Variants in ATP5MC2 observed in about 807,000 individuals in gnomAD.
ATP5MC2 encodes ATP synthase F(0) complex subunit C2, mitochondrial.
Under a neutral mutation model 13.5 loss-of-function variants are expected in ATP5MC2, and 11 were observed. That is an observed-to-expected ratio of 0.81 (90% CI 0.51 to 1.35). The LOEUF (loss-of-function observed/expected upper bound fraction) is 1.35, where lower values mean the gene tolerates loss of function less well. Among genes scored for constraint, ATP5MC2 ranks in the 40% most tolerant of loss-of-function variants. The pLI is 0.00. For missense variants in ATP5MC2, 132 were observed against 175.0 expected (o/e 0.75, Z 1.39); for synonymous variants, 64 against 69.7 (o/e 0.92, Z 0.41).
At chr12:53,665,929 G>A (rs1944901391) in intron 4 of ATP5MC2, among the ~76,000 whole-genome samples, 1 of 152,162 alleles carries the variant, frequency 6.6e-6, no homozygotes, top group African/African-American at 2.4e-5. Flanking sequence ...AGGATTTATG[G>A]AACACCGCTC....
In ATP5MC2 at chr12:53,665,285, GA is replaced by G; in HGVS notation, c.*28del. 6.3e-7 allele frequency: 1 copy of G among 1,575,736 alleles called. No individual in the cohort carries two copies. Among genetic ancestry groups the G allele is most frequent in the South Asian group, 1.1e-5 (1 of 89,002 alleles). On this transcript the variant is annotated 3_prime_UTR_variant, in exon 5 of 5. Transcript: ENST00000394349. ...AACACACGGGGCCAACCAGACGCGG[GA>G]GAACTATGGGAGGTGGAGACGGCTC...
At chr12:53,667,257 T>G (rs980404942) in intron 4 of ATP5MC2, among the ~76,000 whole-genome samples, 14 of 152,284 alleles carry the variant, frequency 9.2e-5, no homozygotes, top group African/African-American at 3.4e-4. Context: ...CTGGGAGTAC[T>G]AAACAGTCCC....
rs1345353490 is a variant in ATP5MC2 at position 53,669,965 on chromosome 12, A to T, written c.40-17T>A. On this transcript the variant is annotated splice_polypyrimidine_tract_variant and intron_variant, in intron 2 of 4. Coordinates refer to ENST00000394349, the MANE Select transcript of ATP5MC2 (RefSeq NM_005176.7). The stretch of plus-strand genomic sequence containing the variant: ...GCTCTTGACCTAGCAGGAATGACAT[A>T]CAGGGGCAGGAAGGTCAAGGAAGAC... The T allele has an allele frequency of 1.2e-6, 2 of 1,613,474 alleles. No homozygotes were observed. The highest frequency in any genetic ancestry group is 2.2e-5 in the East Asian group (1 of 44,874).
intron 3 of ATP5MC2, among the ~76,000 whole-genome samples, 172 bp downstream of exon 3, chr12:53,669,699 T>C (rs143259251): frequency 4.3e-4 from 65 of 152,340 alleles, no homozygotes; most frequent in African/African-American, 1.5e-3. Context: ...TGGAGCACTA[T>C]AGCATACAGT....
At chr12:53,676,359 C>G, upstream of ATP5MC2, 1 of 967,780 alleles carries the variant, frequency 1.0e-6, no homozygotes, top group Non-Finnish European at 1.5e-6. Flanking sequence ...TTTGGGATCT[C>G]GGACTTGCGT....
intron 4 of ATP5MC2, among the ~76,000 whole-genome samples, chr12:53,667,977 ATATATATATATATATAT>A (rs1157659751): frequency 1.3e-4 from 7 of 54,466 alleles, no homozygotes; most frequent in African/African-American, 5.3e-4. Flanking sequence ...ATATATATAT[ATATATATATATATATAT>A]AAATTTTTTT....
chr12:53,673,108 C>A (rs1454532347), intron 1 of ATP5MC2: 1 of 155,588 alleles, frequency 6.4e-6, no homozygotes, highest in Non-Finnish European at 1.4e-5. Context: ...ATCACGAGGT[C>A]AGGAGTTCGA....
upstream of ATP5MC2, among the ~76,000 whole-genome samples, chr12:53,677,908 A>G (rs1192543709): frequency 6.6e-6 from 1 of 152,236 alleles, no homozygotes; most frequent in African/African-American, 2.4e-5. Context: ...TTAAGCTGTC[A>G]GCTTCACATC....
upstream of ATP5MC2, among the ~76,000 whole-genome samples, chr12:53,678,210 C>T (rs988467960): frequency 6.6e-6 from 1 of 152,194 alleles, no homozygotes. Context: ...TCTATTTCCT[C>T]CTATGTAAAT....
chr12:53,667,741 C>T (rs1263510558), intron 4 of ATP5MC2, among the ~76,000 whole-genome samples: 1 of 151,730 alleles, frequency 6.6e-6, no homozygotes, highest in East Asian at 1.9e-4. Flanking sequence ...GTGATCCGCC[C>T]GCCTCGGCCT....
upstream of ATP5MC2, among the ~76,000 whole-genome samples, chr12:53,678,364 CCAT>C (rs55836254): frequency 0.16 from 18,010 of 116,104 alleles, 1,171 homozygotes; most frequent in African/African-American, 0.17. Flanking sequence ...ACCACCACCA[CCAT>C]CACCACCATC....
intron 4 of ATP5MC2, among the ~76,000 whole-genome samples, chr12:53,667,976 T>C (rs1451243784): frequency 1.5e-4 from 8 of 53,012 alleles, no homozygotes; most frequent in African/African-American, 2.2e-4. Flanking sequence ...TATATATATA[T>C]ATATATATAT....
upstream of ATP5MC2, chr12:53,676,439 T>G: frequency 2.0e-6 from 1 of 507,086 alleles, no homozygotes; most frequent in Non-Finnish European, 3.5e-6. Context: ...AGTGTTAACA[T>G]ACGGTCGGGA....
chr12:53,670,728 T>G (rs780279399), intron 2 of ATP5MC2, among the ~76,000 whole-genome samples: 1 of 151,702 alleles, frequency 6.6e-6, no homozygotes, highest in Non-Finnish European at 1.5e-5. Context: ...GTTCAAGCAA[T>G]TCTCCTGCCT....
chr12:53,675,688 G>C (rs1271902292), intron 1 of ATP5MC2, among the ~76,000 whole-genome samples: 4 of 152,192 alleles, frequency 2.6e-5, no homozygotes, highest in African/African-American at 9.6e-5. Flanking sequence ...AGGATGAGAA[G>C]AGAAAGCAGA....
In ATP5MC2 at chr12:53,667,483, C is replaced by G. The variant is rs1198394639; in HGVS notation, c.311+1665G>C. On this transcript the variant is annotated intron_variant, in intron 4 of 4. Transcript: ENST00000394349. ...CTTTTGCTTTAAAACAAAAATGAAGCCTTTTAAAAATGCGAAACTATTTTT... is the reference window on the plus strand; with the variant it reads ...CTTTTGCTTTAAAACAAAAATGAAGGCTTTTAAAAATGCGAAACTATTTTT... 2.0e-5 allele frequency among the ~76,000 whole-genome samples: 3 copies of G among 151,412 alleles called. No homozygotes were observed. In the South Asian group the frequency reaches 6.3e-4, roughly 32 times the overall value.
intron 4 of ATP5MC2, among the ~76,000 whole-genome samples, chr12:53,667,994 T>TATATATATATATATATAA (rs1219187071): frequency 2.3e-5 from 2 of 88,238 alleles, no homozygotes; most frequent in Admixed American, 1.3e-4. Context: ...TATATATATA[T>TATATATATATATATATAA]AAATTTTTTT....
In ATP5MC2 at chr12:53,672,099, A is replaced by AATAAAAAT. The variant is rs1449662982; in HGVS notation, c.39+476_39+477insATTTTTAT. On this transcript the variant is annotated intron_variant, in intron 2 of 4. Transcript: ENST00000394349. ...ACTCTGTCTCAAAAAAAAAAAAAAA[A>AATAAAAAT]AAAAAATTAACTGGCCGCCAAGGGA... Among the ~76,000 whole-genome samples the AATAAAAAT allele has an allele frequency of 4.6e-5, 7 of 150,786 alleles. 2 individuals carry two copies. The highest frequency in any genetic ancestry group is 1.7e-4 in the African/African-American group (7 of 41,032).
chr12:53,676,205 T>C (rs1252961254), upstream of ATP5MC2: 2 of 1,610,858 alleles, frequency 1.2e-6, no homozygotes, highest in African/African-American at 2.7e-5. Context: ...CAGCGCCGCC[T>C]GCCAGGGCTG....
Sources: allele counts gnomAD v4.1 joint callset (sites outside exome capture counted in the v4.1 genomes callset), GRCh38; gene constraint gnomAD v4.1.1; transcripts MANE v1.5; gene names NCBI Gene and HGNC (gene_info 2026-07-23, HGNC 2026-07-21).